The following ROBO2 variants were observed in gnomAD, a reference collection of about 807,000 sequenced individuals.
ROBO2 encodes roundabout homolog 2.
A neutral mutation model predicts 160.8 loss-of-function variants in ROBO2; 53 were observed. The ratio of observed to expected loss-of-function variants is 0.33; its 90% CI spans 0.26 to 0.41. The LOEUF (loss-of-function observed/expected upper bound fraction) is 0.41. ROBO2 is among the 10% of genes least tolerant of loss of function. ROBO2 has a pLI of 1.00. For synonymous variants in ROBO2, 664 were observed against 611.7 expected, an observed-to-expected ratio of 1.09 and a Z score of -1.26; for missense variants, 1,577 against 1,722.4, an observed-to-expected ratio of 0.92 and a Z score of 1.49.
intron 2 of ROBO2, among the ~76,000 whole-genome samples, chr3:76,864,808 C>T (rs2071186503): frequency 6.6e-6 from 1 of 152,004 alleles, no homozygotes; most frequent in Admixed American, 6.6e-5. Context: ...ATGATCTAAA[C>T]TTCAGACAAA....
intron 2 of ROBO2, among the ~76,000 whole-genome samples, chr3:76,431,053 T>C (rs2076415575): frequency 6.6e-6 from 1 of 152,078 alleles, no homozygotes; most frequent in Non-Finnish European, 1.5e-5. Flanking sequence ...GTTTTGTTCA[T>C]TAAATAACTC....
chr3:77,220,517 T>A (rs1034387601), intron 2 of ROBO2, among the ~76,000 whole-genome samples: 1 of 152,030 alleles, frequency 6.6e-6, no homozygotes, highest in Non-Finnish European at 1.5e-5. Context: ...ATAAAATATT[T>A]AAATATTATA....
intron 2 of ROBO2, among the ~76,000 whole-genome samples, chr3:76,328,404 T>G (rs2073193059): frequency 1.3e-5 from 2 of 152,248 alleles, no homozygotes. Context: ...GCATTTCTTT[T>G]AAGAATTTCT....
chr3:76,151,528 G>T (rs1157433271), intron 2 of ROBO2, among the ~76,000 whole-genome samples: 1 of 152,078 alleles, frequency 6.6e-6, no homozygotes, highest in Non-Finnish European at 1.5e-5. Flanking sequence ...GCTGGCTGGG[G>T]CTCCTAAACA....
In ROBO2 at chr3:77,532,120, T is replaced by C. The variant is rs1254937846; in HGVS notation, c.934+9218T>C. ...GTGAAACACAAGCGCGGGTTACTTC[T>C]CAGGCTGAGCTGGTTCTAGCCTTGT... On this transcript the variant is annotated intron_variant, in intron 6 of 25. Transcript: ENST00000461745. 1.3e-5 allele frequency among the ~76,000 whole-genome samples: 2 copies of C among 152,158 alleles called. 1 individual carries two copies. The highest frequency in any genetic ancestry group is 4.8e-5 in the African/African-American group (2 of 41,442).
intron 2 of ROBO2, among the ~76,000 whole-genome samples, chr3:76,778,541 G>A (rs1467966530): frequency 6.6e-6 from 1 of 150,958 alleles, no homozygotes; most frequent in Non-Finnish European, 1.5e-5. Flanking sequence ...AGACTCTCAG[G>A]ACAAATTATG....
intron 2 of ROBO2, among the ~76,000 whole-genome samples, chr3:77,410,359 T>A (rs1348209961): frequency 6.6e-6 from 1 of 152,128 alleles, no homozygotes; most frequent in African/African-American, 2.4e-5. Flanking sequence ...CTTAGAAAAA[T>A]CTATAGCTAA....
intron 2 of ROBO2, among the ~76,000 whole-genome samples, chr3:76,008,272 G>A (rs941466964): frequency 2.0e-5 from 3 of 148,408 alleles, no homozygotes; most frequent in African/African-American, 7.5e-5. Context: ...AAAAAAAATC[G>A]CTGCTAAATA....
At chr3:76,652,412 T>TTTTATAA (rs2091296059) in intron 2 of ROBO2, among the ~76,000 whole-genome samples, 2 of 152,310 alleles carry the variant, frequency 1.3e-5, no homozygotes, top group East Asian at 1.9e-4. Flanking sequence ...ACAACTTACT[T>TTTTATAA]GAGCTCACTC....
chr3:77,225,020 A>T lies in ROBO2; in HGVS notation c.388+126680A>T, dbSNP rs191326057. Among the ~76,000 whole-genome samples the T allele has an allele frequency of 1.3e-3, 194 of 149,312 alleles. 3 individuals carry two copies. In the Middle Eastern group the frequency reaches 0.014, roughly 11 times the overall value. On this transcript the variant is annotated intron_variant, in intron 2 of 25. Transcript: ENST00000461745. ...ACTTTTATTGTGAAAATTTTTAAAC[A>T]TAGAGTATTAGAAAAAAGTAGCATA...
chr3:76,893,844 C>T (rs2074550669), intron 2 of ROBO2, among the ~76,000 whole-genome samples: 2 of 152,072 alleles, frequency 1.3e-5, no homozygotes, highest in South Asian at 4.1e-4. Context: ...CCCTTCTCAG[C>T]CTCTAGCATC....
At chr3:77,333,026 T>A (rs773018206) in intron 2 of ROBO2, among the ~76,000 whole-genome samples, 2 of 152,228 alleles carry the variant, frequency 1.3e-5, no homozygotes, top group Non-Finnish European at 2.9e-5. Context: ...AAGTGAAATC[T>A]ACTAAATTTT....
At chr3:76,066,756 A>T (rs2068266468) in intron 2 of ROBO2, among the ~76,000 whole-genome samples, 2 of 151,912 alleles carry the variant, frequency 1.3e-5, no homozygotes, top group Admixed American at 1.3e-4. Context: ...CTTTATAGTA[A>T]GTTCTTTTCT....
At chr3:75,972,634 T>C (rs1220091171) in intron 2 of ROBO2, among the ~76,000 whole-genome samples, 2 of 151,686 alleles carry the variant, frequency 1.3e-5, no homozygotes, top group African/African-American at 4.8e-5. Context: ...TGAATTCAAA[T>C]CATGTAGATC....
At position 76,375,922 on chromosome 3, in the gene ROBO2, A is replaced by T. The variant is rs572124709; in HGVS notation, c.109+438320A>T. 4.6e-5 allele frequency among the ~76,000 whole-genome samples: 7 copies of T among 152,140 alleles called. No individual in the cohort carries two copies. The South Asian group carries it at 1.4e-3, about 32-fold the overall frequency. On this transcript the variant is annotated intron_variant, in intron 2 of 26. Coordinates refer to the ROBO2 transcript ENST00000487694. The stretch of plus-strand genomic sequence containing the variant: ...GTGTAGCACATGCTCTGATCCTTCT[A>T]AGTCATATTTGAATCATTTATCTTC...
At chr3:76,068,564 T>A (rs2068339662) in intron 2 of ROBO2, among the ~76,000 whole-genome samples, 3 of 152,062 alleles carry the variant, frequency 2.0e-5, no homozygotes, top group Admixed American at 6.6e-5. Flanking sequence ...TTCTTCTGTA[T>A]CATCAATTCT....
intron 2 of ROBO2, among the ~76,000 whole-genome samples, chr3:76,813,074 C>T (rs1232532603): frequency 6.6e-6 from 1 of 151,928 alleles, no homozygotes; most frequent in Non-Finnish European, 1.5e-5. Flanking sequence ...AATATTAAAA[C>T]AATTTCTATC....
chr3:76,297,113 A>G (rs1709113335), intron 2 of ROBO2, among the ~76,000 whole-genome samples: 2 of 152,300 alleles, frequency 1.3e-5, no homozygotes, highest in South Asian at 4.1e-4. Context: ...TGTCTGACAT[A>G]CTGGTTATGT....
intron 1 of ROBO2, among the ~76,000 whole-genome samples, chr3:75,923,603 C>A (rs1005803901): frequency 1.5e-4 from 23 of 152,178 alleles, no homozygotes; most frequent in African/African-American, 5.3e-4. Context: ...CAAGAGGATG[C>A]TGTAAAGTAG....
Sources: allele counts gnomAD v4.1 joint callset (sites outside exome capture counted in the v4.1 genomes callset), GRCh38; gene constraint gnomAD v4.1.1; transcripts MANE v1.5; gene names NCBI Gene and HGNC (gene_info 2026-07-23, HGNC 2026-07-21).